The following CALCR variants were observed in gnomAD, a reference collection of about 807,000 sequenced individuals.
CALCR encodes calcitonin receptor.
In CALCR, 47 loss-of-function variants were observed where a neutral mutation model predicts 59.5. The ratio of observed to expected loss-of-function variants is 0.79; its 90% CI spans 0.63 to 1.01. CALCR has a LOEUF of 1.01. CALCR is among the 50% of genes least tolerant of loss of function. The probability of loss-of-function intolerance (pLI) is 0.00; values close to 1 mark genes in which losing one functional copy is unlikely to be tolerated. For missense variants in CALCR, 566 were observed against 597.1 expected, an observed-to-expected ratio of 0.95 and a Z score of 0.54; for synonymous variants, 213 against 211.3, an observed-to-expected ratio of 1.01 and a Z score of -0.07.
At chr7:93,515,761 A>G (rs1801637649) in intron 2 of CALCR, among the ~76,000 whole-genome samples, 1 of 151,990 alleles carries the variant, frequency 6.6e-6, no homozygotes, top group Non-Finnish European at 1.5e-5. Flanking sequence ...CAGAATTCAA[A>G]GCTGAGTAGA....
intron 9 of CALCR, among the ~76,000 whole-genome samples, chr7:93,441,700 A>G (rs1289963872): frequency 3.3e-5 from 5 of 152,158 alleles, no homozygotes; most frequent in Admixed American, 6.6e-5. Flanking sequence ...GGTTAAGGAA[A>G]CAGGGTGCAG....
chr7:93,477,959 C>A (rs1800702798), intron 4 of CALCR, among the ~76,000 whole-genome samples: 1 of 22,038 alleles, frequency 4.5e-5, no homozygotes, highest in East Asian at 1.2e-3. Flanking sequence ...AAGACCCTCT[C>A]TCAAAAAAAA....
chr7:93,467,943 T>TA (rs957251231), intron 7 of CALCR, among the ~76,000 whole-genome samples: 46 of 148,716 alleles, frequency 3.1e-4, no homozygotes, highest in Admixed American at 1.3e-3. Flanking sequence ...GTGGTGTGTC[T>TA]AAAAAAAAAA....
chr7:93,572,622 G>GT (rs1790033613), intron 2 of CALCR, among the ~76,000 whole-genome samples: 1 of 152,132 alleles, frequency 6.6e-6, no homozygotes, highest in African/African-American at 2.4e-5. Context: ...AGTCTGAGAG[G>GT]TTCATCAAGA....
chr7:93,543,232 C>T (rs1789194978), intron 2 of CALCR, among the ~76,000 whole-genome samples: 1 of 152,124 alleles, frequency 6.6e-6, no homozygotes, highest in African/African-American at 2.4e-5. Flanking sequence ...GCAACCTCCA[C>T]CTCTCAGGTT....
At chr7:93,461,914 T>A in intron 7 of CALCR, 1 of 602,094 alleles carries the variant, frequency 1.7e-6, no homozygotes, top group Non-Finnish European at 2.9e-6. Context: ...TATAATGTCA[T>A]TCACCATGTG....
chr7:93,445,246 A>G (rs953123915), intron 8 of CALCR, among the ~76,000 whole-genome samples: 18 of 152,106 alleles, frequency 1.2e-4, no homozygotes, highest in Admixed American at 2.0e-4. Flanking sequence ...ATTTAATATA[A>G]TGTTAGTTTT....
chr7:93,445,435 T>C (rs887094425), intron 8 of CALCR, among the ~76,000 whole-genome samples: 10 of 152,052 alleles, frequency 6.6e-5, no homozygotes, highest in African/African-American at 2.2e-4. Flanking sequence ...GAGAAGGAGA[T>C]GGGAAGAGAA....
chr7:93,505,368 T>A (rs928390583), intron 2 of CALCR, among the ~76,000 whole-genome samples: 4 of 152,198 alleles, frequency 2.6e-5, no homozygotes, highest in African/African-American at 9.6e-5. Flanking sequence ...ATTAGTGTGA[T>A]AGATTCGGGA....
intron 13 of CALCR, among the ~76,000 whole-genome samples, chr7:93,431,500 C>T (rs1235390570): frequency 6.6e-6 from 1 of 152,124 alleles, no homozygotes; most frequent in African/African-American, 2.4e-5. Context: ...ATCAAGGAGG[C>T]CACAGGTGAA....
chr7:93,459,335 C>T (rs1371048150), intron 8 of CALCR, among the ~76,000 whole-genome samples: 2 of 152,198 alleles, frequency 1.3e-5, no homozygotes, highest in Non-Finnish European at 2.9e-5. Flanking sequence ...CTGCTCCCCG[C>T]TCCAATCAGT....
chr7:93,475,065 G>C (rs1478855716), intron 5 of CALCR, among the ~76,000 whole-genome samples: 1 of 151,638 alleles, frequency 6.6e-6, no homozygotes, highest in Non-Finnish European at 1.5e-5. Context: ...AATCTGCTAA[G>C]AGCTAGTAAA....
chr7:93,494,026 T>C (rs1801142911), intron 2 of CALCR, among the ~76,000 whole-genome samples: 5 of 151,412 alleles, frequency 3.3e-5, no homozygotes, highest in Admixed American at 2.0e-4. Flanking sequence ...CTGCTCATGA[T>C]TGTCCTGTAA....
chr7:93,475,047 G>A (rs1800638751), intron 5 of CALCR, among the ~76,000 whole-genome samples: 1 of 151,610 alleles, frequency 6.6e-6, no homozygotes, highest in South Asian at 2.1e-4. Flanking sequence ...TAGTAGTTTT[G>A]GTTACTCAAT....
intron 8 of CALCR, among the ~76,000 whole-genome samples, chr7:93,447,487 A>T (rs1800028238): frequency 6.6e-6 from 1 of 151,962 alleles, no homozygotes; most frequent in South Asian, 2.1e-4. Context: ...ATAGGTAATC[A>T]ATGTTTTGAG....
intron 2 of CALCR, among the ~76,000 whole-genome samples, chr7:93,526,615 A>C (rs1436730570): frequency 6.6e-6 from 1 of 152,112 alleles, no homozygotes; most frequent in Non-Finnish European, 1.5e-5. Context: ...TAAGCTAGAG[A>C]ATATGAAATA....
Position 93,526,646 on chromosome 7 carries a change from A to G in CALCR, c.-26-39639T>C, listed in dbSNP as rs1456261976. Reference sequence around the variant, plus strand: ...AAATAATGTAAAGTGATAATATATGAAATTTTATTCCATTAAGGCAGGTCA... The same window carrying G: ...AAATAATGTAAAGTGATAATATATGGAATTTTATTCCATTAAGGCAGGTCA... On this transcript the variant is annotated intron_variant, in intron 2 of 13. Coordinates refer to ENST00000426151, the MANE Select transcript of CALCR (RefSeq NM_001742.4). Among the ~76,000 whole-genome samples the G allele has an allele frequency of 2.0e-5, 3 of 152,260 alleles. No individual in the cohort carries two copies. In the East Asian group the frequency reaches 5.8e-4, roughly 29 times the overall value.
At chr7:93,531,008 G>C (rs1381065676) in intron 2 of CALCR, among the ~76,000 whole-genome samples, 1 of 152,094 alleles carries the variant, frequency 6.6e-6, no homozygotes, top group Admixed American at 6.6e-5. Flanking sequence ...TGATTCCCAT[G>C]TAAACAAAAA....
chr7:93,561,286 A>G (rs533201427), intron 2 of CALCR, among the ~76,000 whole-genome samples: 1 of 152,226 alleles, frequency 6.6e-6, no homozygotes, highest in South Asian at 2.1e-4. Flanking sequence ...ACACACTAAT[A>G]ACATCATTTT....
Sources: allele counts gnomAD v4.1 joint callset (sites outside exome capture counted in the v4.1 genomes callset), GRCh38; gene constraint gnomAD v4.1.1; transcripts MANE v1.5; gene names NCBI Gene and HGNC (gene_info 2026-07-23, HGNC 2026-07-21).